CNTN4: variants seen among roughly 807,000 people sequenced by gnomAD.
The protein encoded by CNTN4 is contactin-4.
A neutral mutation model predicts 122.5 loss-of-function variants in CNTN4; 77 were observed. The ratio of observed to expected loss-of-function variants is 0.63; its 90% CI spans 0.52 to 0.76. CNTN4 has a LOEUF of 0.76. Among genes scored for constraint, CNTN4 ranks in the 30% least tolerant of loss-of-function variants. The pLI, the probability that CNTN4 is intolerant of heterozygous loss-of-function variation, is 0.00. For synonymous variants in CNTN4, 512 were observed against 447.0 expected, an observed-to-expected ratio of 1.15 and a Z score of -1.83; for missense variants, 1,256 against 1,259.1, an observed-to-expected ratio of 1.00 and a Z score of 0.04.
At chr3:2,343,319 T>G (rs543912088) in intron 3 of CNTN4, among the ~76,000 whole-genome samples, 1 of 152,184 alleles carries the variant, frequency 6.6e-6, no homozygotes, top group Non-Finnish European at 1.5e-5. Context: ...TGATTGGTTC[T>G]CTCCTGCAAC....
chr3:2,590,519 G>T, intron 4 of CNTN4, among the ~76,000 whole-genome samples: 1 of 151,654 alleles, frequency 6.6e-6, no homozygotes. Context: ...GCACTTTTCT[G>T]CTTGGGTGGC....
intron 4 of CNTN4, among the ~76,000 whole-genome samples, chr3:2,639,316 C>T (rs1335942416): frequency 1.3e-5 from 2 of 152,142 alleles, no homozygotes; most frequent in African/African-American, 4.8e-5. Context: ...CCCTGCCCCA[C>T]CTGTTAACAT....
intron 7 of CNTN4, among the ~76,000 whole-genome samples, chr3:2,861,580 G>T (rs1422329441): frequency 6.6e-6 from 1 of 152,196 alleles, no homozygotes; most frequent in African/African-American, 2.4e-5. Context: ...ACTCTATCAT[G>T]CTGTTAAAAT....
intron 2 of CNTN4, among the ~76,000 whole-genome samples, chr3:2,228,203 A>G (rs1208824111): frequency 1.3e-5 from 2 of 152,028 alleles, no homozygotes; most frequent in Non-Finnish European, 2.9e-5. Context: ...GGAATTGGCA[A>G]TCCATAGCCC....
intron 5 of CNTN4, among the ~76,000 whole-genome samples, chr3:2,742,102 C>T (rs2089488477): frequency 6.6e-6 from 1 of 152,130 alleles, no homozygotes. Context: ...ACCTTTCTGC[C>T]TGAACTTTTT....
At chr3:3,004,933 T>G (rs1458011099) in intron 14 of CNTN4, among the ~76,000 whole-genome samples, 1 of 152,196 alleles carries the variant, frequency 6.6e-6, no homozygotes, top group Non-Finnish European at 1.5e-5. Flanking sequence ...GGCTGCCTGG[T>G]CGGTGGAAGC....
chr3:2,728,496 C>T (rs2088403185), intron 4 of CNTN4, among the ~76,000 whole-genome samples: 1 of 152,202 alleles, frequency 6.6e-6, no homozygotes, highest in East Asian at 1.9e-4. Context: ...ACTGAGAGCA[C>T]ACCCAACAAC....
intron 3 of CNTN4, among the ~76,000 whole-genome samples, chr3:2,429,369 T>A (rs1295240808): frequency 6.6e-6 from 1 of 152,168 alleles, no homozygotes; most frequent in African/African-American, 2.4e-5. Flanking sequence ...TTTGCCTGAG[T>A]GTCAGCAGCA....
At chr3:2,330,223 T>C (rs763165543) in intron 2 of CNTN4, among the ~76,000 whole-genome samples, 31 of 152,224 alleles carry the variant, frequency 2.0e-4, no homozygotes, top group Admixed American at 1.7e-3. Flanking sequence ...AACAGCCAGA[T>C]GGAAGAAATG....
chr3:2,618,762 C>A (rs2081878346), intron 4 of CNTN4, among the ~76,000 whole-genome samples: 1 of 152,104 alleles, frequency 6.6e-6, no homozygotes, highest in South Asian at 2.1e-4. Flanking sequence ...TTAGTGAAAC[C>A]TACAATGTTT....
intron 6 of CNTN4, among the ~76,000 whole-genome samples, chr3:2,790,488 A>T (rs1355337036): frequency 6.6e-6 from 1 of 152,208 alleles, no homozygotes; most frequent in Non-Finnish European, 1.5e-5. Flanking sequence ...AAGCACAGCA[A>T]AGTAAGGGCC....
chr3:2,558,884 C>T (rs1308333930), intron 3 of CNTN4, among the ~76,000 whole-genome samples: 1 of 152,140 alleles, frequency 6.6e-6, no homozygotes, highest in African/African-American at 2.4e-5. Context: ...TAAAGAAGAA[C>T]ATAAATAGAA....
intron 6 of CNTN4, among the ~76,000 whole-genome samples, chr3:2,776,457 T>A (rs912902593): frequency 6.6e-6 from 1 of 152,058 alleles, no homozygotes; most frequent in Non-Finnish European, 1.5e-5. Flanking sequence ...GGAAATAAGG[T>A]AGGAAATTAA....
chr3:2,341,135 A>G (rs1180730918), intron 3 of CNTN4, among the ~76,000 whole-genome samples: 1 of 152,074 alleles, frequency 6.6e-6, no homozygotes, highest in Non-Finnish European at 1.5e-5. Context: ...TCCTTGGAAT[A>G]TTCTTTCTTT....
At chr3:2,361,401 G>A (rs891898864) in intron 3 of CNTN4, among the ~76,000 whole-genome samples, 8 of 152,118 alleles carry the variant, frequency 5.3e-5, no homozygotes, top group Admixed American at 2.6e-4. Context: ...GTAACCAGTG[G>A]GTAGCTGCCA....
Position 3,006,079 on chromosome 3 carries a change from G to A in CNTN4, c.1486+17607G>A, listed in dbSNP as rs576972988. Among the ~76,000 whole-genome samples, 286 of 151,890 alleles carry A rather than the reference G, an allele frequency of 1.9e-3. 2 individuals carry two copies. Among genetic ancestry groups the A allele is most frequent in the Non-Finnish European group, 3.2e-3 (214 of 67,930 alleles). On this transcript the variant is annotated intron_variant, in intron 14 of 24. Transcript: ENST00000418658. ...TTTTTTTTGCATTTTTAGTAGAGAC[G>A]GGGTTTCAGGATGGTCTTGATCTCC...
chr3:2,775,508 C>T (rs1243323026), intron 6 of CNTN4, among the ~76,000 whole-genome samples: 2 of 152,112 alleles, frequency 1.3e-5, no homozygotes, highest in Non-Finnish European at 2.9e-5. Context: ...CAACCTCTGC[C>T]TCCCAAGTTC....
chr3:2,627,683 C>T (rs561164539), intron 4 of CNTN4, among the ~76,000 whole-genome samples: 207 of 151,850 alleles, frequency 1.4e-3, no homozygotes, highest in Middle Eastern at 6.8e-3. Context: ...TTAGTAGAGA[C>T]GGGGTTTCAC....
chr3:2,625,239 C>G (rs2082138335), intron 4 of CNTN4, among the ~76,000 whole-genome samples: 1 of 152,170 alleles, frequency 6.6e-6, no homozygotes, highest in African/African-American at 2.4e-5. Context: ...GCACACCTCC[C>G]ACAACGCCAC....
Sources: allele counts gnomAD v4.1 joint callset (sites outside exome capture counted in the v4.1 genomes callset), GRCh38; gene constraint gnomAD v4.1.1; transcripts MANE v1.5; gene names NCBI Gene and HGNC (gene_info 2026-07-23, HGNC 2026-07-21).